TMEM41B: variants seen among roughly 807,000 people sequenced by gnomAD.
The protein encoded by TMEM41B is protein stasimon.
TMEM41B carries 18 observed loss-of-function variants against 31.9 expected under a neutral mutation model. That is an observed-to-expected ratio of 0.56 (90% CI 0.39 to 0.84). The LOEUF (loss-of-function observed/expected upper bound fraction) is 0.84, where lower values mean the gene tolerates loss of function less well. TMEM41B is among the 40% of genes least tolerant of loss of function. The pLI, the probability that TMEM41B is intolerant of heterozygous loss-of-function variation, is 0.00. For synonymous variants in TMEM41B, 144 were observed against 124.3 expected, an observed-to-expected ratio of 1.16 and a Z score of -1.05; for missense variants, 322 against 348.0, an observed-to-expected ratio of 0.93 and a Z score of 0.59.
At chr11:9,296,255 A>C (rs1853083142) in intron 2 of TMEM41B, among the ~76,000 whole-genome samples, 1 of 152,168 alleles carries the variant, frequency 6.6e-6, no homozygotes, top group Non-Finnish European at 1.5e-5. Context: ...TTATATATGA[A>C]GGCTCTGGAT....
chr11:9,291,403 A>G (rs1403931784), intron 3 of TMEM41B, among the ~76,000 whole-genome samples: 1 of 88,694 alleles, frequency 1.1e-5, no homozygotes. Context: ...TAATAATAAT[A>G]AAAATAAATT....
Position 9,283,345 on chromosome 11 carries a change from T to A in TMEM41B, c.*79A>T. 1 of 1,121,044 alleles carries A rather than the reference T, an allele frequency of 8.9e-7. No individual in the cohort carries two copies. Among genetic ancestry groups the A allele is most frequent in the Non-Finnish European group, 1.3e-6 (1 of 793,906 alleles). 69.4% of individuals were successfully genotyped at this position (1,121,044 alleles called of 1,614,324 possible). A position where few individuals can be genotyped will look rare whatever the true frequency, so the allele number is the denominator to read the frequency against. Reference sequence around the variant, plus strand: ...ATTCCTTGTTTAATTACTGAAGAGGTGATTTTAAAACATAAATGGATGCAC... The same window carrying A: ...ATTCCTTGTTTAATTACTGAAGAGGAGATTTTAAAACATAAATGGATGCAC... On this transcript the variant is annotated 3_prime_UTR_variant, in exon 7 of 7. Transcript: ENST00000528080.
At chr11:9,291,137 A>G (rs922596429) in intron 3 of TMEM41B, among the ~76,000 whole-genome samples, 1 of 151,918 alleles carries the variant, frequency 6.6e-6, no homozygotes, top group Non-Finnish European at 1.5e-5. Context: ...AAATAAAAAT[A>G]AGGCTGGGCG....
At chr11:9,299,792 G>A in intron 1 of TMEM41B, 91 bp from the exon 2 acceptor site, 1 of 989,352 alleles carries the variant, frequency 1.0e-6, no homozygotes, top group Admixed American at 2.1e-5. Flanking sequence ...CCAGAAAATG[G>A]CGTGTGCTTT....
Position 9,283,381 on chromosome 11 carries a change from T to G in TMEM41B, c.*43A>C. On this transcript the variant is annotated 3_prime_UTR_variant, in exon 7 of 7. Coordinates refer to ENST00000528080, the MANE Select transcript of TMEM41B (RefSeq NM_015012.4). ...CATAAATGGATGCACCTGTTAATCC[T>G]GAGATGGTGATGACAGCAAAACTAA... The G allele has an allele frequency of 2.8e-5, 42 of 1,489,242 alleles. No homozygotes were observed. Among genetic ancestry groups the G allele is most frequent in the Middle Eastern group, 2.1e-4 (1 of 4,698 alleles). The allele number at this position is 1,489,242 out of a possible 1,614,324, so 92.3% of individuals were successfully genotyped here.
intron 1 of TMEM41B, among the ~76,000 whole-genome samples, chr11:9,303,427 AGT>A (rs1287115714): frequency 6.6e-6 from 1 of 152,108 alleles, no homozygotes; most frequent in East Asian, 1.9e-4. Context: ...GGCGTGAATG[AGT>A]GTGCCCAGTC....
intron 2 of TMEM41B, among the ~76,000 whole-genome samples, chr11:9,298,015 A>T (rs1203221961): frequency 6.7e-6 from 1 of 149,232 alleles, no homozygotes; most frequent in African/African-American, 2.5e-5. Flanking sequence ...AGTGAGCCAT[A>T]ACTGTGCCAC....
intron 3 of TMEM41B, among the ~76,000 whole-genome samples, chr11:9,293,338 C>T (rs962233405): frequency 1.3e-5 from 2 of 151,986 alleles, no homozygotes; most frequent in Admixed American, 6.6e-5. Flanking sequence ...ACTGGCCTCA[C>T]GCAATCCTCC....
At position 9,283,438 on chromosome 11, in the gene TMEM41B, G is replaced by A; in HGVS notation, c.862C>T (p.Gln288Ter). 6.2e-7 allele frequency: 1 copy of A among 1,604,516 alleles called. No homozygotes were observed. The highest frequency in any genetic ancestry group is 8.5e-7 in the Non-Finnish European group (1 of 1,176,796). ...GATGATTATTTTTACTCAAATTTCT[G>A]CTTTAGTTTTTTTTGGAAGATGGCT... ...LPAIFQKKLK[Q>*]KFE The change falls in exon 7 of 7, where the codon CAG becomes TAG. Residue 288 changes from glutamine to a stop codon, truncating the protein, a stop_gained. Transcript: ENST00000528080. LOFTEE classifies it high-confidence loss of function.
At chr11:9,291,589 G>C (rs1487324257) in intron 3 of TMEM41B, among the ~76,000 whole-genome samples, 2 of 151,528 alleles carry the variant, frequency 1.3e-5, no homozygotes, top group Admixed American at 6.6e-5. Flanking sequence ...TTTTAGTACA[G>C]ACAGGTTTCA....
chr11:9,303,650 C>CTTTTTTTTTTT (rs71062827), intron 1 of TMEM41B, among the ~76,000 whole-genome samples: 1 of 104,812 alleles, frequency 9.5e-6, no homozygotes, highest in Non-Finnish European at 1.9e-5. Context: ...TATTCTTTTT[C>CTTTTTTTTTTT]TTTTTTTTTT....
At chr11:9,307,854 T>C (rs1331819191) in intron 1 of TMEM41B, among the ~76,000 whole-genome samples, 2 of 152,028 alleles carry the variant, frequency 1.3e-5, no homozygotes, top group Non-Finnish European at 2.9e-5. Flanking sequence ...CACGCCATTC[T>C]CCTGCCTCAG....
At position 9,299,407 on chromosome 11, in the gene TMEM41B, C is replaced by T. The variant is rs79053185; in HGVS notation, c.239+177G>A. ...CACACACATATAGATGTATGTATTT[C>T]CACATGGGTTTTGCCGTGTTGCCCA... is the stretch of plus-strand genomic sequence containing the variant. On this transcript the variant is annotated intron_variant, in intron 2 of 6. Transcript: ENST00000528080. Among the ~76,000 whole-genome samples the T allele has an allele frequency of 3.2e-3, 475 of 146,636 alleles. 2 individuals are homozygous for T. The highest frequency in any genetic ancestry group is 5.2e-3 in the Non-Finnish European group (351 of 67,098).
At chr11:9,284,293 G>A (rs981254042) in intron 6 of TMEM41B, among the ~76,000 whole-genome samples, 6 of 151,830 alleles carry the variant, frequency 4.0e-5, no homozygotes, top group Non-Finnish European at 8.8e-5. Flanking sequence ...CTACAGGCGT[G>A]TACCACCACA....
chr11:9,299,012 G>T (rs771451459), intron 2 of TMEM41B, among the ~76,000 whole-genome samples: 2 of 151,954 alleles, frequency 1.3e-5, no homozygotes, highest in Non-Finnish European at 2.9e-5. Context: ...TGGGCACAGT[G>T]GCTCAAGCCT....
At chr11:9,286,383 A>C (rs1852837291) in intron 6 of TMEM41B, 72 bp downstream of exon 6, 2 of 1,466,844 alleles carry the variant, frequency 1.4e-6, no homozygotes, top group African/African-American at 1.4e-5. Flanking sequence ...GCATGCATGT[A>C]ATCTAGCCCA....
chr11:9,297,202 G>A (rs147179365), intron 2 of TMEM41B, among the ~76,000 whole-genome samples: 1,781 of 152,156 alleles, frequency 0.012, 39 homozygotes, highest in African/African-American at 0.04. Flanking sequence ...CTCCTGCCTC[G>A]GCCTCCCAAG....
rs7939704 is a variant in TMEM41B at position 9,283,155 on chromosome 11, T to C, written c.*269A>G. 38,048 of 238,446 alleles carry C rather than the reference T, an allele frequency of 0.16. 3,547 individuals are homozygous for C. The highest frequency in any genetic ancestry group is 0.2 in the Non-Finnish European group (24,973 of 126,118). 14.8% of individuals were successfully genotyped at this position (238,446 alleles called of 1,614,324 possible). A position where few individuals can be genotyped will look rare whatever the true frequency, so the allele number is the denominator to read the frequency against. On this transcript the variant is annotated 3_prime_UTR_variant, in exon 7 of 7. Transcript: ENST00000528080. ...CAACAATTTCCTACCACACTACTAT[T>C]ATCTACAGCTACCCTTGGTATAATA...
intron 2 of TMEM41B, among the ~76,000 whole-genome samples, chr11:9,298,725 A>C (rs1254359032): frequency 2.6e-5 from 4 of 151,758 alleles, no homozygotes; most frequent in Admixed American, 6.6e-5. Flanking sequence ...AGCCAAAATC[A>C]ACACCACTTA....
Sources: gnomAD v4.1 joint callset for allele counts (sites outside exome capture counted in the v4.1 genomes callset) on GRCh38, gnomAD v4.1.1 for gene constraint, MANE v1.5 for transcripts, NCBI Gene and HGNC (gene_info 2026-07-23, HGNC 2026-07-21) for gene names.